The following ANOS1 variants were observed in gnomAD, a reference collection of about 807,000 sequenced individuals.
The protein encoded by ANOS1 is anosmin 1, also known as anosmin-1.
Under a neutral mutation model 59.0 loss-of-function variants are expected in ANOS1, and 6 were observed. That is an observed-to-expected ratio of 0.10 (90% confidence interval 0.06 to 0.20). The LOEUF (loss-of-function observed/expected upper bound fraction) is 0.20, where lower values mean the gene tolerates loss of function less well. ANOS1 is among the 10% of genes least tolerant of loss of function. The probability of loss-of-function intolerance (pLI) is 1.00; values close to 1 mark genes in which losing one functional copy is unlikely to be tolerated. For missense variants in ANOS1, 433 were observed against 542.3 expected (o/e 0.80, Z 2.00); for synonymous variants, 217 against 223.4 (o/e 0.97, Z 0.25).
At chrX:8,551,071 G>A (rs1929848750) in intron 9 of ANOS1, among the ~76,000 whole-genome samples, 1 of 111,543 alleles carries the variant, frequency 9.0e-6, no homozygotes, top group Non-Finnish European at 1.9e-5. Flanking sequence ...CGTAAGGTAT[G>A]CCTTTGCTCC....
intron 2 of ANOS1, among the ~76,000 whole-genome samples, chrX:8,689,747 T>G (rs921524625): frequency 6.8e-5 from 7 of 103,105 alleles, no homozygotes; most frequent in Non-Finnish European, 1.4e-4. Context: ...ACAGGTTCTG[T>G]GTGAGCAATA....
intron 9 of ANOS1, among the ~76,000 whole-genome samples, chrX:8,547,978 G>C (rs1488855278): frequency 1.8e-5 from 2 of 112,187 alleles, no homozygotes; most frequent in Non-Finnish European, 3.8e-5. Context: ...GCCTCCCAAA[G>C]TGCTGGGATT....
chrX:8,687,992 G>A (rs921532277), intron 2 of ANOS1, among the ~76,000 whole-genome samples: 1 of 111,861 alleles, frequency 8.9e-6, no homozygotes, highest in African/African-American at 3.2e-5. Context: ...CACAAATTAG[G>A]TTTTCTAAGA....
intron 8 of ANOS1, among the ~76,000 whole-genome samples, chrX:8,564,918 G>A (rs1407134262): frequency 1.8e-5 from 2 of 111,514 alleles, no homozygotes; most frequent in Non-Finnish European, 3.8e-5. Flanking sequence ...GAGAGAAAAA[G>A]GTTTATAATC....
intron 2 of ANOS1, among the ~76,000 whole-genome samples, chrX:8,626,875 A>G (rs1931405575): frequency 9.1e-6 from 1 of 109,916 alleles, no homozygotes; most frequent in South Asian, 3.9e-4. Flanking sequence ...AAAAAAAAAA[A>G]GAAAAGAAAA....
At chrX:8,615,915 A>G (rs1218876761) in intron 3 of ANOS1, among the ~76,000 whole-genome samples, 2 of 110,889 alleles carry the variant, frequency 1.8e-5, no homozygotes, top group Non-Finnish European at 3.8e-5. Flanking sequence ...CTAACATCAA[A>G]TAACCCCTCT....
intron 6 of ANOS1, among the ~76,000 whole-genome samples, chrX:8,581,566 T>G (rs1410421674): frequency 8.9e-6 from 1 of 111,871 alleles, no homozygotes; most frequent in Non-Finnish European, 1.9e-5. Flanking sequence ...GATTCCATTA[T>G]GTTTTCCGTA....
At position 8,732,046 on chromosome X, in the gene ANOS1, T is replaced by G. The variant is rs1259621450; in HGVS notation, c.-10A>C. On this transcript the variant is annotated 5_prime_UTR_variant, in exon 1 of 14. Transcript: ENST00000262648. Reference sequence around the variant, plus strand: ...GCACCCCGGGCACCATGGCTGCGGGTCGAGGGCGAGGGCGAGGGCGCCGGG... The same window carrying G: ...GCACCCCGGGCACCATGGCTGCGGGGCGAGGGCGAGGGCGAGGGCGCCGGG... The G allele has an allele frequency of 1.4e-5, 13 of 948,507 alleles. No individual in the cohort carries two copies. Among genetic ancestry groups the G allele is most frequent in the South Asian group, 1.0e-4 (2 of 19,364 alleles). 78.2% of individuals were successfully genotyped at this position (948,507 alleles called of 1,213,427 possible).
chrX:8,686,831 G>A (rs1363880417), intron 2 of ANOS1, among the ~76,000 whole-genome samples: 1 of 111,881 alleles, frequency 8.9e-6, no homozygotes, highest in Non-Finnish European at 1.9e-5. Context: ...GCAAGCATCT[G>A]TAATCCCAAC....
In ANOS1 at chrX:8,623,656, G is replaced by A; in HGVS notation, c.270C>T (p.Cys90=). 8.4e-7 allele frequency: 1 copy of A among 1,195,613 alleles called. No homozygotes were observed. Among genetic ancestry groups the A allele is most frequent in the Non-Finnish European group, 1.1e-6 (1 of 881,170 alleles). ...HKQCSKCLEP[C]KESGDLRKHQ... ...GTTTCCTCAGGTCCCCTGATTCCTT[G>A]CAGGGCTCCAGGCACTGGAAGAGAG... The change falls in exon 3 of 14, where the codon TGC becomes TGT. Residue 90 remains cysteine, a synonymous_variant. Transcript: ENST00000262648.
At chrX:8,699,631 T>C in intron 2 of ANOS1, 67 bp downstream of exon 2, 1 of 859,651 alleles carries the variant, frequency 1.2e-6, no homozygotes. Context: ...TGCAACTTAC[T>C]GTGAATCTAT....
At chrX:8,550,124 T>C (rs1353484973) in intron 9 of ANOS1, among the ~76,000 whole-genome samples, 2 of 112,030 alleles carry the variant, frequency 1.8e-5, no homozygotes, top group Non-Finnish European at 3.8e-5. Context: ...GAAAATGTTA[T>C]AATTAACAAA....
intron 2 of ANOS1, among the ~76,000 whole-genome samples, chrX:8,657,111 G>A (rs748653817): frequency 3.5e-5 from 4 of 112,692 alleles, no homozygotes; most frequent in South Asian, 3.6e-4. Context: ...GTCATGGCTC[G>A]ATCAATCATG....
chrX:8,546,521 G>C (rs777891708), intron 9 of ANOS1, among the ~76,000 whole-genome samples: 2 of 112,168 alleles, frequency 1.8e-5, no homozygotes, highest in East Asian at 5.6e-4. Flanking sequence ...CTAATAGTAA[G>C]TGTGTGTGTG....
At chrX:8,695,609 A>G (rs964918017) in intron 2 of ANOS1, among the ~76,000 whole-genome samples, 1 of 110,022 alleles carries the variant, frequency 9.1e-6, no homozygotes, top group Non-Finnish European at 1.9e-5. Flanking sequence ...CAGGAACATA[A>G]AAGCAAGAAA....
At chrX:8,594,852 C>G (rs1930706054) in intron 4 of ANOS1, among the ~76,000 whole-genome samples, 1 of 100,807 alleles carries the variant, frequency 9.9e-6, no homozygotes, top group South Asian at 4.6e-4. Context: ...TCTGTTTATT[C>G]TATTTGTAGT....
At chrX:8,620,593 C>T (rs955502977) in intron 3 of ANOS1, among the ~76,000 whole-genome samples, 2 of 111,657 alleles carry the variant, frequency 1.8e-5, no homozygotes, top group Non-Finnish European at 3.8e-5. Flanking sequence ...GCTGAAACAG[C>T]CATCAGTGTT....
intron 8 of ANOS1, among the ~76,000 whole-genome samples, chrX:8,555,888 C>CA (rs1929941733): frequency 8.9e-6 from 1 of 112,130 alleles, no homozygotes; most frequent in African/African-American, 3.2e-5. Context: ...AGAGATACAA[C>CA]AAAAAAAGAA....
At chrX:8,585,482 C>A in intron 5 of ANOS1, 86 bp from the exon 6 acceptor site, 1 of 1,055,285 alleles carries the variant, frequency 9.5e-7, no homozygotes, top group African/African-American at 1.8e-5. Context: ...AATACACTAA[C>A]CCATCAGCCA....
Sources: gnomAD v4.1 joint callset for allele counts (sites outside exome capture counted in the v4.1 genomes callset) on GRCh38, gnomAD v4.1.1 for gene constraint, MANE v1.5 for transcripts, NCBI Gene and HGNC (gene_info 2026-07-23, HGNC 2026-07-21) for gene names.